Variants in EVI5 observed in about 807,000 individuals in gnomAD.
EVI5 encodes ecotropic viral integration site 5 protein homolog.
In EVI5, 73 loss-of-function variants were observed where a neutral mutation model predicts 112.0. That is an observed-to-expected ratio of 0.65 (90% CI 0.54 to 0.79). EVI5 has a LOEUF of 0.79. Among genes scored for constraint, EVI5 ranks in the 30% least tolerant of loss-of-function variants. The pLI, the probability that EVI5 is intolerant of heterozygous loss-of-function variation, is 0.00. For missense variants in EVI5, 900 were observed against 968.8 expected, an observed-to-expected ratio of 0.93 and a Z score of 0.94; for synonymous variants, 305 against 319.9, an observed-to-expected ratio of 0.95 and a Z score of 0.50.
At chr1:92,607,838 G>T (rs1650791702) in intron 16 of EVI5, 111 bp from the exon 17 acceptor site, 1 of 658,526 alleles carries the variant, frequency 1.5e-6, no homozygotes, top group Non-Finnish European at 2.5e-6. Flanking sequence ...ACTAGTTATA[G>T]GTCACTGTTA....
upstream of EVI5, among the ~76,000 whole-genome samples, chr1:92,789,518 G>A (rs1319185241): frequency 6.6e-6 from 1 of 152,112 alleles, no homozygotes; most frequent in Admixed American, 6.6e-5. Context: ...TAGCCAGGAC[G>A]GTCTCAATCT....
At chr1:92,576,599 A>C (rs2101041859) in intron 18 of EVI5, among the ~76,000 whole-genome samples, 1 of 152,342 alleles carries the variant, frequency 6.6e-6, no homozygotes, top group East Asian at 1.9e-4. Context: ...GTAACTGAAT[A>C]ATTTTTAGAG....
At position 92,666,001 on chromosome 1, in the gene EVI5, A is replaced by C; in HGVS notation, c.1159-9T>G. On this transcript the variant is annotated splice_polypyrimidine_tract_variant and intron_variant, in intron 10 of 19. Coordinates refer to ENST00000684568, the MANE Select transcript of EVI5 (RefSeq NM_001350197.2). ...TTTTCTGTGCGTAACCTCTGCCAAG[A>C]AAAAAAAAGTTTTATTTGCAAGCAT... is the stretch of plus-strand genomic sequence containing the variant. The C allele has an allele frequency of 3.9e-6, 6 of 1,551,960 alleles. No homozygotes were observed. Among genetic ancestry groups the C allele is most frequent in the Non-Finnish European group, 5.2e-6 (6 of 1,145,194 alleles).
At chr1:92,573,702 G>A (rs1670632357) in intron 18 of EVI5, among the ~76,000 whole-genome samples, 1 of 151,958 alleles carries the variant, frequency 6.6e-6, no homozygotes, top group African/African-American at 2.4e-5. Context: ...TTTTCAGCTG[G>A]TCAGTTCCCT....
intron 18 of EVI5, among the ~76,000 whole-genome samples, chr1:92,595,505 C>T (rs9659783): frequency 0.92 from 140,168 of 152,150 alleles, 64,654 homozygotes; most frequent in East Asian, 0.97. Flanking sequence ...GCATGGCACA[C>T]GTATACATAT....
intron 1 of EVI5, among the ~76,000 whole-genome samples, chr1:92,746,286 T>C (rs1026639919): frequency 1.3e-5 from 2 of 152,254 alleles, no homozygotes; most frequent in East Asian, 3.8e-4. Flanking sequence ...ATTTAATGTG[T>C]CTAAGGCCTT....
rs753543780 is a variant in EVI5 at position 92,636,247 on chromosome 1, C to T, written c.1482G>A (p.Gln494=). The T allele has an allele frequency of 3.1e-6, 5 of 1,613,808 alleles. No homozygotes were observed. The highest frequency in any genetic ancestry group is 1.7e-5 in the Admixed American group (1 of 60,022). The part of the protein sequence containing the change: ...VQARLSEAES[Q]CALKEMQDKV... ...TATCCTGCATCTCTTTTAATGCACA[C>T]TGAGACTCAGCTTCACTCAGTCGGG... Residue 494 remains glutamine, a synonymous_variant, in exon 14 of 20, where the codon CAG becomes CAA. Transcript: ENST00000684568.
At chr1:92,547,702 G>T (rs1260087948) in intron 19 of EVI5, among the ~76,000 whole-genome samples, 1 of 152,198 alleles carries the variant, frequency 6.6e-6, no homozygotes, top group Non-Finnish European at 1.5e-5. Flanking sequence ...ACTACCATCA[G>T]GGAATACTAT....
At chr1:92,597,666 A>G (rs1648215579) in intron 18 of EVI5, among the ~76,000 whole-genome samples, 1 of 152,254 alleles carries the variant, frequency 6.6e-6, no homozygotes, top group South Asian at 2.1e-4. Context: ...AGATGAATGA[A>G]TTATTGTCAA....
chr1:92,591,181 A>T (rs1259728737), intron 18 of EVI5, among the ~76,000 whole-genome samples: 1 of 152,182 alleles, frequency 6.6e-6, no homozygotes, highest in African/African-American at 2.4e-5. Context: ...AAAGACCATC[A>T]AGGCTAGGAA....
At chr1:92,783,138 T>C (rs1330197139) in intron 1 of EVI5, among the ~76,000 whole-genome samples, 1 of 152,086 alleles carries the variant, frequency 6.6e-6, no homozygotes, top group African/African-American at 2.4e-5. Flanking sequence ...ACATTTAGAA[T>C]TGTGAACTTT....
intron 16 of EVI5, among the ~76,000 whole-genome samples, chr1:92,615,338 G>A (rs536411897): frequency 1.5e-4 from 23 of 152,244 alleles, no homozygotes; most frequent in East Asian, 3.9e-4. Flanking sequence ...CAGATACTAC[G>A]CCTCAAATCT....
At chr1:92,572,146 G>A (rs1670412972) in intron 18 of EVI5, among the ~76,000 whole-genome samples, 1 of 152,048 alleles carries the variant, frequency 6.6e-6, no homozygotes, top group Non-Finnish European at 1.5e-5. Context: ...TAAGCCAAGA[G>A]AGCTTTGTAT....
At chr1:92,661,244 T>C (rs907135880) in intron 13 of EVI5, among the ~76,000 whole-genome samples, 1 of 152,082 alleles carries the variant, frequency 6.6e-6, no homozygotes, top group African/African-American at 2.4e-5. Context: ...GAAGAATTCA[T>C]AAAGTTATAT....
rs752893341 is a variant in EVI5, at chr1:92,702,215, C to T, written c.565G>A (p.Ala189Thr). 1.3e-6 allele frequency: 2 copies of T among 1,509,264 alleles called. No individual in the cohort carries two copies. The highest frequency in any genetic ancestry group is 1.8e-6 in the Non-Finnish European group (2 of 1,130,678). The allele number at this position is 1,509,264 out of a possible 1,614,324, so 93.5% of individuals were successfully genotyped here. Residue 189 changes from alanine to threonine, a missense_variant and splice_region_variant, in exon 5 of 20, where the codon GCT (alanine) becomes ACT (threonine). Coordinates refer to ENST00000684568, the MANE Select transcript of EVI5 (RefSeq NM_001350197.2). ...GQEVLFNVMK[A>T]YSLVDREVGY... Reference sequence around the variant, plus strand: ...ACCTCACGATCTACTAAAGAGTAAGCCTAAAAAGTAAAAAAAAGTTGTTCA... The same window carrying T: ...ACCTCACGATCTACTAAAGAGTAAGTCTAAAAAGTAAAAAAAAGTTGTTCA...
chr1:92,766,332 C>A (rs115767539), intron 1 of EVI5, among the ~76,000 whole-genome samples: 1 of 151,704 alleles, frequency 6.6e-6, no homozygotes, highest in Non-Finnish European at 1.5e-5. Flanking sequence ...GATATCCACA[C>A]ACAATTTTTT....
intron 1 of EVI5, among the ~76,000 whole-genome samples, chr1:92,737,199 AG>A (rs141031470): frequency 0.019 from 2,889 of 152,252 alleles, 111 homozygotes; most frequent in African/African-American, 0.065. Context: ...GTTATAGAAG[AG>A]GGACTAGCAC....
rs2101615550 is a variant in EVI5 at position 92,511,534 on chromosome 1, G to A, written c.*2122C>T. 6.6e-6 allele frequency: 1 copy of A among 152,150 alleles called. No homozygotes were observed. Among genetic ancestry groups the A allele is most frequent in the East Asian group, 1.9e-4 (1 of 5,176 alleles). 9.4% of individuals were successfully genotyped at this position (152,150 alleles called of 1,614,324 possible). On this transcript the variant is annotated 3_prime_UTR_variant, in exon 20 of 20. Transcript: ENST00000684568. Reference sequence around the variant, plus strand: ...AAAGCTTTGGTGTTAGGGAGATCTAGGTTAAAATCTTGGCTCTTGCTGGGA... The same window carrying A: ...AAAGCTTTGGTGTTAGGGAGATCTAAGTTAAAATCTTGGCTCTTGCTGGGA...
At chr1:92,675,141 G>C (rs138283930) in intron 10 of EVI5, among the ~76,000 whole-genome samples, 2 of 152,188 alleles carry the variant, frequency 1.3e-5, no homozygotes, top group South Asian at 4.1e-4. Flanking sequence ...TCAGGAGTTC[G>C]AGACCAGCCT....
Sources: allele counts gnomAD v4.1 joint callset (sites outside exome capture counted in the v4.1 genomes callset), GRCh38; gene constraint gnomAD v4.1.1; transcripts MANE v1.5; gene names NCBI Gene and HGNC (gene_info 2026-07-23, HGNC 2026-07-21).